The following RANBP2 variants were observed in gnomAD, a reference collection of about 807,000 sequenced individuals.
The protein encoded by RANBP2 is E3 SUMO-protein ligase RanBP2.
RANBP2 carries 57 observed loss-of-function variants against 303.6 expected under a neutral mutation model. The ratio of observed to expected loss-of-function variants is 0.19; its 90% CI spans 0.15 to 0.23. The LOEUF (loss-of-function observed/expected upper bound fraction) is 0.23. Among genes scored for constraint, RANBP2 ranks in the 10% least tolerant of loss-of-function variants. The pLI is 1.00. For synonymous variants in RANBP2, 1,167 were observed against 1,301.5 expected (o/e 0.90, Z 2.23); for missense variants, 3,138 against 3,780.8 (o/e 0.83, Z 4.46).
At chr2:109,551,712 C>T in the RANBP2 span, among the ~76,000 whole-genome samples, 1 of 152,116 alleles carries the variant, frequency 6.6e-6, no homozygotes, top group Non-Finnish European at 1.5e-5. Context: ...TTTACAAAAC[C>T]ATTTCCTGCA....
the RANBP2 span, among the ~76,000 whole-genome samples, chr2:109,037,524 T>G: frequency 2.0e-5 from 3 of 152,110 alleles, no homozygotes; most frequent in Non-Finnish European, 4.4e-5. Context: ...AAACTGCCCT[T>G]ATTTGTCAAA....
At chr2:109,506,644 C>T in the RANBP2 span, among the ~76,000 whole-genome samples, 2 of 152,196 alleles carry the variant, frequency 1.3e-5, no homozygotes, top group Admixed American at 1.3e-4. Context: ...AAGTGTGGTT[C>T]GTATCATCTC....
At chr2:109,097,822 G>A in the RANBP2 span, among the ~76,000 whole-genome samples, 11 of 151,624 alleles carry the variant, frequency 7.3e-5, no homozygotes, top group African/African-American at 2.7e-4. Flanking sequence ...CAAGGTGGTC[G>A]GGGACAGGCA....
the RANBP2 span, among the ~76,000 whole-genome samples, chr2:109,204,366 C>G: frequency 6.6e-6 from 1 of 152,194 alleles, no homozygotes; most frequent in Non-Finnish European, 1.5e-5. Flanking sequence ...ATCTCCTTAT[C>G]TTATCTTTTA....
the RANBP2 span, chr2:108,882,865 T>G: frequency 6.6e-6 from 1 of 151,946 alleles, no homozygotes; most frequent in Non-Finnish European, 1.5e-5. Context: ...TGGAAGGGTG[T>G]GAGGTAGGGA....
chr2:109,193,508 T>C, the RANBP2 span, among the ~76,000 whole-genome samples: 16 of 152,232 alleles, frequency 1.1e-4, no homozygotes, highest in Non-Finnish European at 1.8e-4. Context: ...ATCATACAGT[T>C]TGCGGCCTTT....
At chr2:109,765,776 C>A in the RANBP2 span, among the ~76,000 whole-genome samples, 1 of 150,944 alleles carries the variant, frequency 6.6e-6, no homozygotes, top group Admixed American at 6.6e-5. Flanking sequence ...AGGATGCTGC[C>A]CAGTAGTGCC....
chr2:109,303,716 G>C, the RANBP2 span, among the ~76,000 whole-genome samples: 1 of 152,124 alleles, frequency 6.6e-6, no homozygotes, highest in Non-Finnish European at 1.5e-5. Context: ...AAACCACTTT[G>C]TTGAGGCCTG....
At chr2:109,003,410 TTTC>T in the RANBP2 span, among the ~76,000 whole-genome samples, 54 of 151,800 alleles carry the variant, frequency 3.6e-4, no homozygotes, top group East Asian at 2.3e-3. Flanking sequence ...TTTAATTTTT[TTTC>T]TTCTTTTTTT....
the RANBP2 span, among the ~76,000 whole-genome samples, chr2:108,994,771 T>C: frequency 5.3e-3 from 784 of 147,316 alleles, 10 homozygotes; most frequent in Non-Finnish European, 9.6e-3. Context: ...AGTATAAACA[T>C]AAAAAATTAT....
the RANBP2 span, among the ~76,000 whole-genome samples, chr2:109,537,973 A>G: frequency 6.6e-6 from 1 of 151,962 alleles, no homozygotes; most frequent in Non-Finnish European, 1.5e-5. Flanking sequence ...ATACACACAC[A>G]CACACAAACA....
the RANBP2 span, among the ~76,000 whole-genome samples, chr2:108,941,102 G>A: frequency 4.1e-3 from 626 of 152,222 alleles, 1 homozygote; most frequent in African/African-American, 0.014. Flanking sequence ...ACATGGAATC[G>A]GGCAGCTGGT....
the RANBP2 span, among the ~76,000 whole-genome samples, chr2:109,394,923 C>T: frequency 0.023 from 3,428 of 152,334 alleles, 138 homozygotes; most frequent in African/African-American, 0.077. Context: ...CGGGAGCCGC[C>T]GTCCCGCACA....
chr2:108,777,084 T>C (rs753213630), intron 24 of RANBP2, 46 bp from the exon 25 acceptor site: 4 of 1,545,042 alleles, frequency 2.6e-6, no homozygotes, highest in African/African-American at 2.7e-5. Context: ...AGCTTTGATA[T>C]TCAGCACAAA....
At chr2:108,857,084 T>A in the RANBP2 span, 3 of 528,286 alleles carry the variant, frequency 5.7e-6, no homozygotes, top group South Asian at 9.4e-5. Flanking sequence ...TTTTTTTTTT[T>A]TTTTTTTTTT....
chr2:109,253,847 A>C, the RANBP2 span, among the ~76,000 whole-genome samples: 1 of 152,142 alleles, frequency 6.6e-6, no homozygotes, highest in African/African-American at 2.4e-5. Context: ...TTGTTCAGGG[A>C]GCAGAAACCA....
chr2:109,051,560 G>A, the RANBP2 span, among the ~76,000 whole-genome samples: 5,280 of 152,148 alleles, frequency 0.035, 117 homozygotes, highest in Non-Finnish European at 0.046. Flanking sequence ...CCAATAGTTG[G>A]CATAAGTGAG....
the RANBP2 span, among the ~76,000 whole-genome samples, chr2:109,495,665 T>C: frequency 6.6e-6 from 1 of 151,966 alleles, no homozygotes; most frequent in Non-Finnish European, 1.5e-5. Context: ...CTGATTTTTG[T>C]ATTTTTAGTA....
At chr2:109,224,370 A>G in the RANBP2 span, among the ~76,000 whole-genome samples, 1 of 152,218 alleles carries the variant, frequency 6.6e-6, no homozygotes, top group Non-Finnish European at 1.5e-5. Context: ...TTTTGATTGC[A>G]TGCTGGGTTT....
Sources: gnomAD v4.1 joint callset for allele counts (sites outside exome capture counted in the v4.1 genomes callset) on GRCh38, gnomAD v4.1.1 for gene constraint, MANE v1.5 for transcripts, NCBI Gene and HGNC (gene_info 2026-07-23, HGNC 2026-07-21) for gene names.